ARHGAP31: variants seen among roughly 807,000 people sequenced by gnomAD.
ARHGAP31 encodes Rho GTPase activating protein 31, also known as rho GTPase-activating protein 31.
Under a neutral mutation model 113.9 loss-of-function variants are expected in ARHGAP31, and 34 were observed. The ratio of observed to expected loss-of-function variants is 0.30; its 90% CI spans 0.23 to 0.40. The LOEUF is 0.40. Among genes scored for constraint, ARHGAP31 ranks in the 10% least tolerant of loss-of-function variants. ARHGAP31 has a pLI of 1.00. For missense variants in ARHGAP31, 1,548 were observed against 1,767.1 expected, an observed-to-expected ratio of 0.88 and a Z score of 2.22; for synonymous variants, 650 against 684.8, an observed-to-expected ratio of 0.95 and a Z score of 0.79.
At chr3:119,396,688 T>C (rs573819161) in intron 8 of ARHGAP31, among the ~76,000 whole-genome samples, 17 of 152,320 alleles carry the variant, frequency 1.1e-4, no homozygotes, top group African/African-American at 3.4e-4. Flanking sequence ...GATTAACATA[T>C]GTAAATATAT....
chr3:119,324,613 T>A (rs899860813), intron 1 of ARHGAP31, among the ~76,000 whole-genome samples: 3 of 152,208 alleles, frequency 2.0e-5, no homozygotes, highest in Non-Finnish European at 4.4e-5. Flanking sequence ...AGGAGATTTG[T>A]AGCTATTAAA....
chr3:119,321,662 G>C (rs2079787496), intron 1 of ARHGAP31, among the ~76,000 whole-genome samples: 1 of 151,788 alleles, frequency 6.6e-6, no homozygotes, highest in Admixed American at 6.6e-5. Context: ...GTTTTGTTTT[G>C]TTTTGAGACG....
At chr3:119,351,620 AAG>A (rs869025821) in intron 1 of ARHGAP31, among the ~76,000 whole-genome samples, 5 of 151,820 alleles carry the variant, frequency 3.3e-5, no homozygotes, top group African/African-American at 9.7e-5. Flanking sequence ...AAGAAAAAAA[AAG>A]AGAGGTGGCC....
chr3:119,326,082 C>T (rs199985281), intron 1 of ARHGAP31, among the ~76,000 whole-genome samples: 1 of 152,104 alleles, frequency 6.6e-6, no homozygotes, highest in East Asian at 1.9e-4. Flanking sequence ...ATCCCAGCTA[C>T]TCAGGAGGCT....
intron 1 of ARHGAP31, among the ~76,000 whole-genome samples, chr3:119,332,214 T>C (rs2079897462): frequency 6.6e-6 from 1 of 152,094 alleles, no homozygotes; most frequent in African/African-American, 2.4e-5. Flanking sequence ...TTTTGTTTTT[T>C]TTGAGACAGA....
rs540208890 is a variant in ARHGAP31 at position 119,328,233 on chromosome 3, A to G, written c.100+33229A>G. ...CACCAAGTATAGCAGATTACTTGCAAATGAGACATTAAGAGGGGGGAAAAC... is the reference window on the plus strand; with the variant it reads ...CACCAAGTATAGCAGATTACTTGCAGATGAGACATTAAGAGGGGGGAAAAC... On this transcript the variant is annotated intron_variant, in intron 1 of 11. Coordinates refer to ENST00000264245, the MANE Select transcript of ARHGAP31 (RefSeq NM_020754.4). Among the ~76,000 whole-genome samples the G allele has an allele frequency of 2.2e-4, 34 of 152,286 alleles. 1 individual carries two copies. The South Asian group carries it at 6.2e-3, about 28-fold the overall frequency.
At chr3:119,333,594 C>T (rs1043982577) in intron 1 of ARHGAP31, among the ~76,000 whole-genome samples, 2 of 152,186 alleles carry the variant, frequency 1.3e-5, no homozygotes, top group South Asian at 2.1e-4. Context: ...GTGTAGCACT[C>T]TGCAGCCTTT....
At chr3:119,320,113 T>A (rs1345273935) in intron 1 of ARHGAP31, among the ~76,000 whole-genome samples, 3 of 152,244 alleles carry the variant, frequency 2.0e-5, no homozygotes, top group Non-Finnish European at 4.4e-5. Flanking sequence ...CCTCACCAGT[T>A]TATGCTACAT....
In ARHGAP31 at chr3:119,337,775, G is replaced by A. The variant is rs573671770; in HGVS notation, c.101-27541G>A. On this transcript the variant is annotated intron_variant, in intron 1 of 11. Transcript: ENST00000264245. ...AGAAAATTTCTCCAAGTGCCCTACCGGATTAGCTAGACACAGAGCACTGAT... is the reference window on the plus strand; with the variant it reads ...AGAAAATTTCTCCAAGTGCCCTACCAGATTAGCTAGACACAGAGCACTGAT... Among the ~76,000 whole-genome samples the A allele has an allele frequency of 9.3e-4, 141 of 152,218 alleles. 2 individuals carry two copies. The highest frequency in any genetic ancestry group is 7.7e-3 in the South Asian group (37 of 4,826).
intron 1 of ARHGAP31, among the ~76,000 whole-genome samples, chr3:119,296,093 T>A (rs1011674715): frequency 1.3e-5 from 2 of 152,236 alleles, no homozygotes; most frequent in African/African-American, 4.8e-5. Flanking sequence ...AGGAAAATAA[T>A]CTCAAAACCT....
intron 3 of ARHGAP31, among the ~76,000 whole-genome samples, chr3:119,371,472 A>G (rs999162897): frequency 9.2e-5 from 14 of 152,208 alleles, no homozygotes; most frequent in African/African-American, 3.4e-4. Flanking sequence ...AACTAACTCT[A>G]TATACATAGG....
chr3:119,363,132 G>A lies in ARHGAP31; in HGVS notation c.101-2184G>A, dbSNP rs193246446. On this transcript the variant is annotated intron_variant, in intron 1 of 11. Transcript: ENST00000264245. ...GAATCTGCACTCTCAACCATAGACT[G>A]TGTGGTGGCAGGTTACCGAACAGTG... is the stretch of plus-strand genomic sequence containing the variant. Among the ~76,000 whole-genome samples, 6 of 152,326 alleles carry A rather than the reference G, an allele frequency of 3.9e-5. No individual in the cohort carries two copies. In the South Asian group the frequency reaches 1.2e-3, roughly 32 times the overall value.
intron 1 of ARHGAP31, among the ~76,000 whole-genome samples, chr3:119,321,556 A>T (rs565056259): frequency 2.8e-4 from 42 of 150,446 alleles, no homozygotes; most frequent in African/African-American, 9.5e-4. Context: ...GTATATATAT[A>T]TTATATATAT....
chr3:119,357,122 A>G (rs896070625), intron 1 of ARHGAP31, among the ~76,000 whole-genome samples: 2 of 152,194 alleles, frequency 1.3e-5, no homozygotes, highest in African/African-American at 4.8e-5. Flanking sequence ...TGCAGTTTTA[A>G]TTTGCAGTGG....
chr3:119,300,203 A>C (rs2079569106), intron 1 of ARHGAP31, among the ~76,000 whole-genome samples: 1 of 152,198 alleles, frequency 6.6e-6, no homozygotes, highest in Non-Finnish European at 1.5e-5. Flanking sequence ...GATTGATACG[A>C]AAATAAATGA....
intron 3 of ARHGAP31, among the ~76,000 whole-genome samples, chr3:119,375,533 C>T (rs1034405101): frequency 1.3e-5 from 2 of 152,192 alleles, no homozygotes; most frequent in African/African-American, 4.8e-5. Flanking sequence ...TGCAAAGACT[C>T]GTTTCCAAAT....
chr3:119,317,810 A>G (rs2079747220), intron 1 of ARHGAP31, among the ~76,000 whole-genome samples: 1 of 152,200 alleles, frequency 6.6e-6, no homozygotes, highest in African/African-American at 2.4e-5. Context: ...CTACTGTGAC[A>G]TGGGGTAAGA....
rs1196174160 is a variant in ARHGAP31, at chr3:119,368,632, C to G, written c.348+116C>G. The G allele has an allele frequency of 3.8e-6, 5 of 1,328,640 alleles. No individual in the cohort carries two copies. The Admixed American group carries it at 5.8e-5, about 15-fold the overall frequency. The allele number at this position is 1,328,640 out of a possible 1,614,324, so 82.3% of individuals were successfully genotyped here. A position where few individuals can be genotyped will look rare whatever the true frequency, so the allele number is the denominator to read the frequency against. On this transcript the variant is annotated intron_variant, in intron 3 of 11. Transcript: ENST00000264245. ...CACCAGATGGTTGACATTATCTTAGCGTGGTGAGGGAAGTAGGATAATATG... is the reference window on the plus strand; with the variant it reads ...CACCAGATGGTTGACATTATCTTAGGGTGGTGAGGGAAGTAGGATAATATG...
intron 7 of ARHGAP31, among the ~76,000 whole-genome samples, chr3:119,392,021 C>T (rs563906836): frequency 5.8e-4 from 89 of 152,240 alleles, no homozygotes; most frequent in African/African-American, 2.0e-3. Flanking sequence ...TGCTTTCAAC[C>T]ACATCTCGGG....
Sources: gnomAD v4.1 joint callset for allele counts (sites outside exome capture counted in the v4.1 genomes callset) on GRCh38, gnomAD v4.1.1 for gene constraint, MANE v1.5 for transcripts, NCBI Gene and HGNC (gene_info 2026-07-23, HGNC 2026-07-21) for gene names.